CD96: variants seen among roughly 807,000 people sequenced by gnomAD.
CD96 encodes CD96 molecule, also known as T-cell surface protein tactile.
Under a neutral mutation model 71.3 loss-of-function variants are expected in CD96, and 70 were observed. The ratio of observed to expected loss-of-function variants is 0.98; its 90% CI spans 0.81 to 1.20. The LOEUF (loss-of-function observed/expected upper bound fraction) is 1.20, where lower values mean the gene tolerates loss of function less well. Among genes scored for constraint, CD96 ranks in the 50% most tolerant of loss-of-function variants. CD96 has a pLI of 0.00. For synonymous variants in CD96, 248 were observed against 233.0 expected, an observed-to-expected ratio of 1.06 and a Z score of -0.59; for missense variants, 742 against 677.5, an observed-to-expected ratio of 1.10 and a Z score of -1.06.
chr3:111,614,309 G>C (rs1014493114), intron 8 of CD96, among the ~76,000 whole-genome samples: 1 of 152,140 alleles, frequency 6.6e-6, no homozygotes, highest in African/African-American at 2.4e-5. Flanking sequence ...CTGCTGGCTT[G>C]GGTCCCTCTT....
At chr3:111,642,253 T>G (rs1939626447) in intron 12 of CD96, among the ~76,000 whole-genome samples, 1 of 152,024 alleles carries the variant, frequency 6.6e-6, no homozygotes, top group Non-Finnish European at 1.5e-5. Context: ...ATTAGTGAGA[T>G]TAACCAAGAA....
chr3:111,665,397 C>T (rs920640567), intron 14 of CD96: 4 of 152,210 alleles, frequency 2.6e-5, no homozygotes, highest in South Asian at 2.1e-4. Context: ...GTTTCATTGG[C>T]GTGGGGGGCA....
In CD96 at chr3:111,623,838, T is replaced by C. The variant is rs774144675; in HGVS notation, c.1249+16T>C. 3 of 1,554,256 alleles carry C rather than the reference T, an allele frequency of 1.9e-6. No individual in the cohort carries two copies. Among genetic ancestry groups the C allele is most frequent in the Non-Finnish European group, 2.7e-6 (3 of 1,125,430 alleles). On this transcript the variant is annotated intron_variant, in intron 9 of 13. Coordinates refer to ENST00000352690, the MANE Select transcript of CD96 (RefSeq NM_005816.5). The stretch of plus-strand genomic sequence containing the variant: ...ACTCCTCAACGTGAGTTCAGCAAAG[T>C]TTTCCTACATGATTGGAAAGAGACA...
At chr3:111,549,666 G>A (rs1934597019) in intron 2 of CD96, among the ~76,000 whole-genome samples, 2 of 152,116 alleles carry the variant, frequency 1.3e-5, no homozygotes, top group African/African-American at 4.8e-5. Flanking sequence ...TCTCCCCACA[G>A]GATCAGTGGT....
intron 6 of CD96, 26 bp downstream of exon 6, chr3:111,598,236 A>G (rs754382013): frequency 1.1e-6 from 1 of 925,648 alleles, no homozygotes; most frequent in Admixed American, 1.7e-5. Flanking sequence ...AATGGAAATA[A>G]GTTCGGTACA....
intron 5 of CD96, among the ~76,000 whole-genome samples, 195 bp downstream of exon 5, chr3:111,585,573 CAG>C (rs1936674247): frequency 6.6e-6 from 1 of 151,962 alleles, no homozygotes; most frequent in Non-Finnish European, 1.5e-5. Flanking sequence ...TTAGGGCTCT[CAG>C]AATGTTTGAT....
intron 8 of CD96, among the ~76,000 whole-genome samples, chr3:111,609,540 A>G (rs755072915): frequency 1.3e-5 from 2 of 152,198 alleles, no homozygotes; most frequent in African/African-American, 2.4e-5. Flanking sequence ...GTTAGTCTAC[A>G]TACACTAAGT....
chr3:111,575,029 A>T (rs922319473), intron 3 of CD96, among the ~76,000 whole-genome samples: 7 of 152,082 alleles, frequency 4.6e-5, no homozygotes, highest in African/African-American at 1.7e-4. Context: ...CCTGGGCTCA[A>T]GAAATCCACC....
At chr3:111,593,370 G>A (rs1398413078) in intron 5 of CD96, 11 of 686,142 alleles carry the variant, frequency 1.6e-5, no homozygotes, top group Admixed American at 7.3e-5. Flanking sequence ...TAGGAACCTC[G>A]TAGATAAGCA....
At chr3:111,578,898 C>A (rs1306429969) in intron 3 of CD96, 129 bp from the exon 4 acceptor site, 1 of 709,292 alleles carries the variant, frequency 1.4e-6, no homozygotes, top group Admixed American at 2.0e-5. Context: ...TACTAAATGT[C>A]TTCTAATTTC....
intron 14 of CD96, among the ~76,000 whole-genome samples, chr3:111,658,573 T>C (rs1252754124): frequency 2.6e-5 from 4 of 152,174 alleles, no homozygotes; most frequent in Non-Finnish European, 5.9e-5. Flanking sequence ...TGTAAAATCT[T>C]ATTGGTTACA....
intron 8 of CD96, 96 bp from the exon 9 acceptor site, chr3:111,623,658 A>G (rs756032333): frequency 2.4e-5 from 19 of 783,460 alleles, no homozygotes; most frequent in Admixed American, 3.8e-5. Context: ...ATTCTTTCCA[A>G]CTCTAATATT....
At chr3:111,596,498 G>GTAAAATAATAACACCCCCACTTACTCC (rs1255017411) in intron 5 of CD96, among the ~76,000 whole-genome samples, 17 of 152,074 alleles carry the variant, frequency 1.1e-4, no homozygotes, top group Non-Finnish European at 1.8e-4. Context: ...AGTTGCCTTC[G>GTAAAATAATAACACCCCCACTTACTCC]TAAAATAATA....
At chr3:111,562,218 C>T (rs1576321297) in intron 2 of CD96, among the ~76,000 whole-genome samples, 2 of 152,300 alleles carry the variant, frequency 1.3e-5, no homozygotes, top group South Asian at 4.1e-4. Context: ...CCTATTCGGC[C>T]ATCTTGGCTC....
intron 3 of CD96, chr3:111,577,553 T>C: frequency 1.9e-6 from 3 of 1,576,290 alleles, no homozygotes; most frequent in Non-Finnish European, 2.6e-6. Context: ...TATAAAGGTA[T>C]GTAAATTGCT....
intron 5 of CD96, among the ~76,000 whole-genome samples, chr3:111,589,090 A>T (rs899585658): frequency 6.6e-6 from 1 of 151,350 alleles, no homozygotes; most frequent in African/African-American, 2.4e-5. Context: ...AGCTGGGATT[A>T]CAGGCGCCTG....
chr3:111,544,538 G>A (rs528675152), intron 1 of CD96, among the ~76,000 whole-genome samples: 3 of 152,204 alleles, frequency 2.0e-5, no homozygotes, highest in African/African-American at 7.2e-5. Flanking sequence ...GCGTGTGAGG[G>A]GGATTAAACA....
At chr3:111,588,679 G>A (rs1295372678) in intron 5 of CD96, among the ~76,000 whole-genome samples, 1 of 152,142 alleles carries the variant, frequency 6.6e-6, no homozygotes, top group Non-Finnish European at 1.5e-5. Context: ...CAGATCTCAT[G>A]AGACTTACTC....
intron 2 of CD96, among the ~76,000 whole-genome samples, chr3:111,547,872 C>T (rs1248161150): frequency 6.6e-6 from 1 of 152,114 alleles, no homozygotes; most frequent in Non-Finnish European, 1.5e-5. Context: ...GGGGAAACAT[C>T]CTTCACCACA....
Sources: gnomAD v4.1 joint callset for allele counts (sites outside exome capture counted in the v4.1 genomes callset) on GRCh38, gnomAD v4.1.1 for gene constraint, MANE v1.5 for transcripts, NCBI Gene and HGNC (gene_info 2026-07-23, HGNC 2026-07-21) for gene names.